Variants in COG1 observed in about 807,000 individuals in gnomAD.
COG1 encodes conserved oligomeric Golgi complex subunit 1.
In COG1, 61 loss-of-function variants were observed where a neutral mutation model predicts 102.2. The observed-to-expected ratio is 0.60, with a 90% CI of 0.49 to 0.74. COG1 has a LOEUF of 0.74. Among genes scored for constraint, COG1 ranks in the 30% least tolerant of loss-of-function variants. The probability of loss-of-function intolerance (pLI) is 0.00; values close to 1 mark genes in which losing one functional copy is unlikely to be tolerated. For synonymous variants in COG1, 454 were observed against 493.6 expected (o/e 0.92, Z 1.06); for missense variants, 1,164 against 1,232.1 (o/e 0.94, Z 0.83).
intron 13 of COG1, chr17:73,207,868 A>G: frequency 1.7e-6 from 2 of 1,204,132 alleles, no homozygotes; most frequent in Non-Finnish European, 1.1e-6. Flanking sequence ...ATTCCCTACC[A>G]TCGAACCCAT....
In COG1 at chr17:73,201,457, C is replaced by T. The variant is rs2061346774; in HGVS notation, c.1630C>T (p.Pro544Ser). ...CCTCCCCTCTGATGACTCATCACTG[C>T]CCAAGGACGTTTCTCCCACACAGGC... ...AYLPSDDSSL[P>S]KDVSPTQAKS... Residue 544 changes from proline (P) to serine (S), a missense_variant, in exon 7 of 14, where the codon CCC (proline) becomes TCC (serine). Physicochemically the swap from Pro to Ser is moderately conservative, Grantham distance 74 (BLOSUM62 -1). Coordinates refer to ENST00000299886, the MANE Select transcript of COG1 (RefSeq NM_018714.3). The T allele has an allele frequency of 1.2e-6, 2 of 1,614,146 alleles. No homozygotes were observed. The highest frequency in any genetic ancestry group is 1.7e-6 in the Non-Finnish European group (2 of 1,180,060).
intron 13 of COG1, chr17:73,207,680 G>C (rs956545947): frequency 1.2e-5 from 15 of 1,293,998 alleles, no homozygotes; most frequent in Non-Finnish European, 1.5e-5. Flanking sequence ...ACATTTTCTT[G>C]TTAATACACG....
intron 1 of COG1, among the ~76,000 whole-genome samples, chr17:73,195,631 A>AAG (rs1568294605): frequency 6.7e-6 from 1 of 150,270 alleles, no homozygotes; most frequent in Non-Finnish European, 1.5e-5. Flanking sequence ...AAAAAAAAAA[A>AAG]GGCTGGGCGC....
intron 1 of COG1, among the ~76,000 whole-genome samples, chr17:73,195,704 G>T (rs2061322634): frequency 6.6e-6 from 1 of 151,968 alleles, no homozygotes; most frequent in Non-Finnish European, 1.5e-5. Context: ...CTTGAGGTCA[G>T]GAGTTTGAGA....
intron 1 of COG1, 77 bp downstream of exon 1, chr17:73,193,461 C>A (rs965913326): frequency 2.3e-5 from 31 of 1,358,648 alleles, no homozygotes; most frequent in South Asian, 1.9e-4. Flanking sequence ...ACCCCGCCCC[C>A]CTCTGTCAGT....
chr17:73,196,385 C>A, intron 1 of COG1, 122 bp from the exon 2 acceptor site: 2 of 1,434,110 alleles, frequency 1.4e-6, no homozygotes, highest in Non-Finnish European at 1.9e-6. Context: ...CTGAGTTGTA[C>A]TGAACCCAGC....
chr17:73,193,391 C>T lies in COG1; in HGVS notation c.315+7C>T. 1 of 1,427,266 alleles carries T rather than the reference C, an allele frequency of 7.0e-7. No homozygotes were observed. The highest frequency in any genetic ancestry group is 9.1e-7 in the Non-Finnish European group (1 of 1,099,188). 88.4% of individuals were successfully genotyped at this position (1,427,266 alleles called of 1,614,324 possible). ...GCCACCGCGGGCCCAGCAGGTCAGT[C>T]CCCGTGCCCCCACCCTGCGACCCGC... On this transcript the variant is annotated splice_region_variant and intron_variant, in intron 1 of 13. Coordinates refer to ENST00000299886, the MANE Select transcript of COG1 (RefSeq NM_018714.3).
chr17:73,208,121 T>G, intron 13 of COG1, 193 bp from the exon 14 acceptor site: 2 of 1,461,912 alleles, frequency 1.4e-6, no homozygotes, highest in South Asian at 2.8e-5. Flanking sequence ...ATTCTAGTTT[T>G]GTCACAAAGG....
chr17:73,194,886 A>G (rs998024067), intron 1 of COG1, among the ~76,000 whole-genome samples: 3 of 152,268 alleles, frequency 2.0e-5, no homozygotes, highest in Admixed American at 1.3e-4. Flanking sequence ...GAAAAAATTG[A>G]AAAGTACAGT....
chr17:73,202,741 T>C (rs1568297408), intron 7 of COG1, among the ~76,000 whole-genome samples: 1 of 152,160 alleles, frequency 6.6e-6, no homozygotes, highest in Non-Finnish European at 1.5e-5. Context: ...TGAGCTGTGA[T>C]TGTGCCACTG....
chr17:73,202,826 G>T, intron 7 of COG1, 174 bp from the exon 8 acceptor site: 1 of 715,002 alleles, frequency 1.4e-6, no homozygotes, highest in Non-Finnish European at 2.5e-6. Context: ...AGGGTAGTTA[G>T]CAACAAAATT....
Position 73,200,697 on chromosome 17 carries a change from T to G in COG1, c.1202T>G (p.Val401Gly). ...GAGTCCACCAATCACAGCTGGGATG[T>G]GCTATGTCGGCGGCTTCTGGAGAAG... ...TNESTNHSWD[V>G]LCRRLLEKPL... The change falls in exon 6 of 14, where the codon GTG (valine) becomes GGG (glycine). Residue 401 changes from valine to glycine, a missense_variant. Transcript: ENST00000299886. 6.2e-7 allele frequency: 1 copy of G among 1,614,100 alleles called. No individual in the cohort carries two copies. The highest frequency in any genetic ancestry group is 1.1e-5 in the South Asian group (1 of 91,080).
At position 73,207,934 on chromosome 17, in the gene COG1, T is replaced by TA. The variant is rs879096929; in HGVS notation, c.2806-367dup. 2.9e-3 allele frequency: 3,084 copies of TA among 1,052,982 alleles called. 1 individual carries two copies. Among genetic ancestry groups the TA allele is most frequent in the South Asian group, 7.3e-3 (377 of 51,742 alleles). 65.2% of individuals were successfully genotyped at this position (1,052,982 alleles called of 1,614,324 possible). ...CTTTAAAAGTTGGGAGATGGTAGTT[T>TA]AAAAAAAAAAAAAGCTCTTGCAAAA... On this transcript the variant is annotated intron_variant, in intron 13 of 13. Transcript: ENST00000299886.
rs2061326408 is a variant in COG1 at position 73,196,684 on chromosome 17, C to T, written c.493C>T (p.Arg165Ter). Residue 165 changes from arginine (R) to a stop codon, truncating the protein, a stop_gained, in exon 2 of 14, where the codon CGA becomes TGA. Coordinates refer to ENST00000299886, the MANE Select transcript of COG1 (RefSeq NM_018714.3). LOFTEE classifies it high-confidence loss of function. The stretch of plus-strand genomic sequence containing the variant: ...GCTCCAGCTGGATTCTTCTAGTTCC[C>T]GATACAGTCCCGTCCTCTCCCGGTT... ...SLLQLDSSSS[R>*]YSPVLSRFPI... 8 of 1,614,190 alleles carry T rather than the reference C, an allele frequency of 5.0e-6. No homozygotes were observed. The highest frequency in any genetic ancestry group is 6.8e-6 in the Non-Finnish European group (8 of 1,180,038).
rs2061320671 is a variant in COG1, at chr17:73,195,164, T to C, written c.316-1343T>C. Among the ~76,000 whole-genome samples the C allele has an allele frequency of 3.3e-5, 5 of 152,370 alleles. No homozygotes were observed. In the South Asian group the frequency reaches 8.3e-4, roughly 25 times the overall value. On this transcript the variant is annotated intron_variant, in intron 1 of 13. Transcript: ENST00000299886. The stretch of plus-strand genomic sequence containing the variant: ...TTAGAAACGTATTGATTTTCATAGT[T>C]GTTATATCTGGTTTATTCTCGGTTA...
chr17:73,197,580 C>T lies in COG1; in HGVS notation c.913+184C>T, dbSNP rs113985960. 0.01 allele frequency among the ~76,000 whole-genome samples: 1,532 copies of T among 152,258 alleles called. 32 individuals are homozygous for T. Among genetic ancestry groups the T allele is most frequent in the African/African-American group, 0.035 (1,434 of 41,526 alleles). On this transcript the variant is annotated intron_variant, in intron 4 of 13. Transcript: ENST00000299886. ...AGCAGGTATCAGACTCACAAATATG[C>T]GAATATCCATTTAGTGTCTATATTG... is the stretch of plus-strand genomic sequence containing the variant.
At chr17:73,205,518 C>G (rs762085600) in intron 9 of COG1, 35 bp from the exon 10 acceptor site, 1 of 1,613,610 alleles carries the variant, frequency 6.2e-7, no homozygotes, top group Non-Finnish European at 8.5e-7. Flanking sequence ...CAAGTCCTCT[C>G]TCTTCATGGG....
Position 73,208,497 on chromosome 17 carries a change from T to TTTC in COG1, c.*51_*53dup, listed in dbSNP as rs1471113778. 6.2e-7 allele frequency: 1 copy of TTTC among 1,602,816 alleles called. No homozygotes were observed. Among genetic ancestry groups the TTTC allele is most frequent in the Admixed American group, 1.7e-5 (1 of 60,012 alleles). ...TCCCTAAATAAATACTACCACATTA[T>TTTC]TTCTTCTAAAGGTGCCTCTGCTCAT... is the stretch of plus-strand genomic sequence containing the variant. On this transcript the variant is annotated 3_prime_UTR_variant, in exon 14 of 14. Transcript: ENST00000299886.
chr17:73,205,555 A>G lies in COG1; in HGVS notation c.2385A>G (p.Lys795=). 1.2e-6 allele frequency: 2 copies of G among 1,614,056 alleles called. No homozygotes were observed. The highest frequency in any genetic ancestry group is 1.7e-6 in the Non-Finnish European group (2 of 1,180,020). ...GGGGACTGGGAATTCATTTGCAGAA[A>G]GAAGGTGCATTTCCAGTCACCCAGA... ...EKLSEEKQIK[K]EGAFPVTQNR... The change falls in exon 10 of 14, where the codon AAA becomes AAG. Residue 795 remains lysine (K), a splice_region_variant and synonymous_variant. Transcript: ENST00000299886.
Sources: gnomAD v4.1 joint callset for allele counts (sites outside exome capture counted in the v4.1 genomes callset) on GRCh38, gnomAD v4.1.1 for gene constraint, MANE v1.5 for transcripts, NCBI Gene and HGNC (gene_info 2026-07-23, HGNC 2026-07-21) for gene names.